The following DLG2 variants were observed in gnomAD, a reference collection of about 807,000 sequenced individuals.
DLG2 encodes the protein discs large MAGUK scaffold protein 2.
DLG2 carries 45 observed loss-of-function variants against 132.5 expected under a neutral mutation model. The ratio of observed to expected loss-of-function variants is 0.34; its 90% CI spans 0.27 to 0.44. The LOEUF is 0.44. Ranked by LOEUF, DLG2 falls within the 20% of genes least tolerant of loss-of-function variation. The pLI is 1.00. For missense variants in DLG2, 1,045 were observed against 1,196.9 expected, an observed-to-expected ratio of 0.87 and a Z score of 1.87; for synonymous variants, 424 against 419.6, an observed-to-expected ratio of 1.01 and a Z score of -0.13.
intron 7 of DLG2, among the ~76,000 whole-genome samples, chr11:84,281,937 C>T (rs960693959): frequency 3.3e-5 from 5 of 152,112 alleles, no homozygotes; most frequent in African/African-American, 9.7e-5. Context: ...AATTGTACAA[C>T]CCCTTTGGAA....
chr11:84,642,092 AGTGTGT>A (rs34226746), intron 6 of DLG2, among the ~76,000 whole-genome samples: 1 of 139,154 alleles, frequency 7.2e-6, no homozygotes, highest in Admixed American at 7.0e-5. Flanking sequence ...GTATATGTAG[AGTGTGT>A]GTGTGTGTGT....
chr11:83,724,948 T>C (rs769705623), intron 18 of DLG2: 4 of 702,284 alleles, frequency 5.7e-6, no homozygotes, highest in East Asian at 2.7e-5. Flanking sequence ...TTGAGCTGCT[T>C]GGTGTATAAA....
intron 18 of DLG2, among the ~76,000 whole-genome samples, chr11:83,770,451 G>T (rs568687242): frequency 6.6e-6 from 1 of 152,066 alleles, no homozygotes; most frequent in Non-Finnish European, 1.5e-5. Flanking sequence ...AAGGCCTGTC[G>T]GGTGAAGGAT....
At chr11:85,119,987 G>T (rs1387482375) in intron 5 of DLG2, among the ~76,000 whole-genome samples, 2 of 152,012 alleles carry the variant, frequency 1.3e-5, no homozygotes, top group African/African-American at 4.8e-5. Flanking sequence ...TATTAAATAT[G>T]CAATTCATAC....
chr11:84,396,661 C>T (rs2098812139), intron 7 of DLG2, among the ~76,000 whole-genome samples: 1 of 152,204 alleles, frequency 6.6e-6, no homozygotes, highest in African/African-American at 2.4e-5. Flanking sequence ...CTAAGAGGTA[C>T]AACTAGGCCT....
chr11:85,607,596 C>T (rs2080671567), intron 2 of DLG2, among the ~76,000 whole-genome samples: 1 of 152,192 alleles, frequency 6.6e-6, no homozygotes, highest in South Asian at 2.1e-4. Context: ...AGTATAAACT[C>T]CAGGACTCTG....
At chr11:83,619,217 T>C (rs1427411099) in intron 19 of DLG2, among the ~76,000 whole-genome samples, 5 of 152,186 alleles carry the variant, frequency 3.3e-5, no homozygotes, top group Non-Finnish European at 7.4e-5. Flanking sequence ...TATAACTTCA[T>C]GTCAAAGATC....
intron 7 of DLG2, among the ~76,000 whole-genome samples, chr11:84,360,599 C>G (rs920160892): frequency 1.3e-5 from 2 of 151,920 alleles, no homozygotes; most frequent in Non-Finnish European, 2.9e-5. Context: ...ATACGGGACT[C>G]AAACAGAGTC....
intron 2 of DLG2, among the ~76,000 whole-genome samples, chr11:85,603,570 T>A (rs995978670): frequency 6.6e-6 from 1 of 152,062 alleles, no homozygotes; most frequent in African/African-American, 2.4e-5. Flanking sequence ...CCTTTTTTTT[T>A]AAGCTTCTGT....
rs182461415 is a variant in DLG2, at chr11:83,968,879, G to A, written c.1057-3411C>T. Among the ~76,000 whole-genome samples, 5 of 152,306 alleles carry A rather than the reference G, an allele frequency of 3.3e-5. No homozygotes were observed. The East Asian group carries it at 9.6e-4, about 29-fold the overall frequency. On this transcript the variant is annotated intron_variant, in intron 12 of 27. Coordinates refer to ENST00000376104, the MANE Select transcript of DLG2 (RefSeq NM_001142699.3). ...CAATTGTTTGTGGAATGAATGGATA[G>A]AAGAATAGACTCATGCAGAGAGGGA...
At chr11:83,930,593 T>C (rs1565687637) in intron 14 of DLG2, 110 bp from the exon 15 acceptor site, 2 of 1,160,440 alleles carry the variant, frequency 1.7e-6, no homozygotes, top group East Asian at 5.1e-5. Flanking sequence ...TGCCATTTTA[T>C]CTTGATTTGT....
chr11:84,390,925 T>G (rs1470591750), intron 7 of DLG2, among the ~76,000 whole-genome samples: 4 of 152,084 alleles, frequency 2.6e-5, no homozygotes, highest in Admixed American at 2.6e-4. Context: ...AAAGGTGATT[T>G]CTAAGGGGTC....
intron 21 of DLG2, among the ~76,000 whole-genome samples, chr11:83,525,653 C>T (rs546920457): frequency 1.3e-5 from 2 of 152,230 alleles, no homozygotes; most frequent in African/African-American, 2.4e-5. Flanking sequence ...CTTCCTGATG[C>T]CCCCTGGAGT....
chr11:84,134,288 T>C (rs748322454), intron 9 of DLG2, among the ~76,000 whole-genome samples: 4 of 152,064 alleles, frequency 2.6e-5, no homozygotes, highest in Non-Finnish European at 4.4e-5. Context: ...AATAAACAGA[T>C]TCATTTTGCA....
intron 8 of DLG2, among the ~76,000 whole-genome samples, chr11:84,221,015 G>A (rs985106660): frequency 6.7e-6 from 1 of 148,344 alleles, no homozygotes. Context: ...TGTTACCCAA[G>A]CTGCTCTTGA....
At chr11:85,250,473 T>C (rs1406270975) in intron 4 of DLG2, among the ~76,000 whole-genome samples, 5 of 152,140 alleles carry the variant, frequency 3.3e-5, no homozygotes, top group Non-Finnish European at 7.4e-5. Flanking sequence ...CTTTTAAAAG[T>C]TATTCATGTA....
intron 4 of DLG2, among the ~76,000 whole-genome samples, chr11:85,177,286 TACACAC>T (rs149186312): frequency 6.9e-4 from 94 of 136,474 alleles, no homozygotes; most frequent in African/African-American, 2.3e-3. Context: ...TATATACATA[TACACAC>T]ACACACACAC....
At chr11:84,050,348 C>T (rs1044739950) in intron 11 of DLG2, among the ~76,000 whole-genome samples, 10 of 151,790 alleles carry the variant, frequency 6.6e-5, no homozygotes, top group South Asian at 2.1e-4. Flanking sequence ...TCATATCCAT[C>T]GCCCACTTGT....
chr11:83,806,043 C>T (rs1426026283), intron 17 of DLG2, among the ~76,000 whole-genome samples: 1 of 152,088 alleles, frequency 6.6e-6, no homozygotes, highest in East Asian at 1.9e-4. Context: ...TAATGTTATT[C>T]CCTTGGGCCT....
Sources: gnomAD v4.1 joint callset for allele counts (sites outside exome capture counted in the v4.1 genomes callset) on GRCh38, gnomAD v4.1.1 for gene constraint, MANE v1.5 for transcripts, NCBI Gene and HGNC (gene_info 2026-07-23, HGNC 2026-07-21) for gene names.